The following CWC27 variants were observed in gnomAD, a reference collection of about 807,000 sequenced individuals.
CWC27 encodes the protein CWC27 spliceosome associated cyclophilin.
CWC27 carries 47 observed loss-of-function variants against 63.6 expected under a neutral mutation model. The ratio of observed to expected loss-of-function variants is 0.74; its 90% CI spans 0.58 to 0.94. The LOEUF is 0.94. CWC27 is among the 40% of genes least tolerant of loss of function. The pLI is 0.00. For synonymous variants in CWC27, 175 were observed against 179.8 expected, an observed-to-expected ratio of 0.97 and a Z score of 0.22; for missense variants, 495 against 554.3, an observed-to-expected ratio of 0.89 and a Z score of 1.07.
intron 11 of CWC27, among the ~76,000 whole-genome samples, chr5:64,963,402 G>C (rs1295171629): frequency 2.6e-5 from 4 of 152,136 alleles, no homozygotes. Context: ...CCAGTTTATG[G>C]CTTAAATATT....
chr5:64,904,897 C>T (rs1323488445), intron 11 of CWC27, among the ~76,000 whole-genome samples: 1 of 152,044 alleles, frequency 6.6e-6, no homozygotes, highest in Non-Finnish European at 1.5e-5. Context: ...TCTGTATGCC[C>T]TTTAAACTGC....
intron 2 of CWC27, among the ~76,000 whole-genome samples, chr5:64,775,288 CA>C (rs1743401507): frequency 6.6e-6 from 1 of 152,186 alleles, no homozygotes; most frequent in African/African-American, 2.4e-5. Context: ...ATTTCTTCCC[CA>C]GTCTGCCTTT....
intron 11 of CWC27, among the ~76,000 whole-genome samples, chr5:64,895,822 C>T (rs1024804268): frequency 6.6e-6 from 1 of 151,938 alleles, no homozygotes; most frequent in African/African-American, 2.4e-5. Flanking sequence ...AGCAATTTGC[C>T]ACAGCTAAAA....
intron 13 of CWC27, among the ~76,000 whole-genome samples, chr5:64,993,448 T>G (rs1314068013): frequency 6.6e-6 from 1 of 152,078 alleles, no homozygotes; most frequent in Non-Finnish European, 1.5e-5. Context: ...AAGGTTCTGT[T>G]TTATAAGCTG....
chr5:64,807,889 G>A, intron 10 of CWC27: 1 of 1,460,308 alleles, frequency 6.8e-7, no homozygotes, highest in Non-Finnish European at 9.0e-7. Context: ...TTTATTTCCT[G>A]TCCCTACCTC....
At chr5:64,995,032 A>G (rs1221493660) in intron 13 of CWC27, among the ~76,000 whole-genome samples, 4 of 144,724 alleles carry the variant, frequency 2.8e-5, no homozygotes, top group Non-Finnish European at 6.0e-5. Context: ...TTTTTGAGAC[A>G]GAGTCTCACT....
At chr5:64,962,609 T>C (rs1019163054) in intron 11 of CWC27, among the ~76,000 whole-genome samples, 20 of 152,320 alleles carry the variant, frequency 1.3e-4, no homozygotes, top group African/African-American at 4.1e-4. Context: ...GCCAAAACTC[T>C]AAACCTCTAC....
chr5:64,857,868 T>G (rs1746291533), intron 10 of CWC27, among the ~76,000 whole-genome samples: 1 of 152,186 alleles, frequency 6.6e-6, no homozygotes, highest in African/African-American at 2.4e-5. Flanking sequence ...CCGGGCGCGG[T>G]GGCTCACGCT....
chr5:64,845,297 G>A (rs1356084883), intron 10 of CWC27, among the ~76,000 whole-genome samples: 1 of 152,152 alleles, frequency 6.6e-6, no homozygotes. Context: ...CTCCTCAAAT[G>A]CATAGACAAT....
intron 10 of CWC27, among the ~76,000 whole-genome samples, chr5:64,877,670 A>G (rs1452576431): frequency 6.6e-6 from 1 of 152,030 alleles, no homozygotes; most frequent in Non-Finnish European, 1.5e-5. Context: ...CATGTAGCCC[A>G]TAAAAATGTA....
chr5:64,831,471 ATTT>A (rs1745515102), intron 10 of CWC27, among the ~76,000 whole-genome samples: 1 of 121,682 alleles, frequency 8.2e-6, no homozygotes, highest in Admixed American at 8.5e-5. Context: ...GCTTTTATTT[ATTT>A]GAGATAGATA....
At chr5:64,991,060 A>T (rs1749528378) in intron 13 of CWC27, among the ~76,000 whole-genome samples, 1 of 152,220 alleles carries the variant, frequency 6.6e-6, no homozygotes, top group African/African-American at 2.4e-5. Flanking sequence ...GTGAGATAAG[A>T]TATCATTGTA....
chr5:64,939,491 T>G (rs1321077571), intron 11 of CWC27, among the ~76,000 whole-genome samples: 1 of 152,202 alleles, frequency 6.6e-6, no homozygotes, highest in Non-Finnish European at 1.5e-5. Context: ...TTCTGGAAGC[T>G]TCATCCCAGA....
At chr5:64,927,876 C>T (rs775101860) in intron 11 of CWC27, among the ~76,000 whole-genome samples, 2 of 152,088 alleles carry the variant, frequency 1.3e-5, no homozygotes, top group African/African-American at 4.8e-5. Context: ...AGCAGTCAGC[C>T]GGGCACGGTG....
At chr5:64,820,012 T>A (rs1387225690) in intron 10 of CWC27, among the ~76,000 whole-genome samples, 1 of 152,242 alleles carries the variant, frequency 6.6e-6, no homozygotes, top group Non-Finnish European at 1.5e-5. Context: ...TGATAAATAG[T>A]GTTTATTCCA....
intron 10 of CWC27, among the ~76,000 whole-genome samples, chr5:64,819,540 A>G (rs754354321): frequency 4.6e-5 from 7 of 151,876 alleles, no homozygotes; most frequent in Non-Finnish European, 1.0e-4. Flanking sequence ...AAGTCACACT[A>G]GATCTGATGG....
intron 11 of CWC27, among the ~76,000 whole-genome samples, chr5:64,895,222 G>T (rs1203037736): frequency 1.3e-5 from 2 of 151,868 alleles, no homozygotes; most frequent in African/African-American, 4.8e-5. Context: ...CAATGTAACA[G>T]TCTCCTTATG....
At chr5:64,890,201 T>A (rs1392420186) in intron 11 of CWC27, among the ~76,000 whole-genome samples, 1 of 152,112 alleles carries the variant, frequency 6.6e-6, no homozygotes, top group Non-Finnish European at 1.5e-5. Flanking sequence ...AGCTTGTAAA[T>A]CAAGAAAAAA....
At position 64,806,962 on chromosome 5, in the gene CWC27, A is replaced by G. The variant is rs577084298; in HGVS notation, c.938+2576A>G. 8.5e-5 allele frequency among the ~76,000 whole-genome samples: 13 copies of G among 152,350 alleles called. No homozygotes were observed. The South Asian group carries it at 2.3e-3, about 27-fold the overall frequency. On this transcript the variant is annotated intron_variant, in intron 10 of 13. Coordinates refer to ENST00000381070, the MANE Select transcript of CWC27 (RefSeq NM_005869.4). ...AGGAAAGCTCCAAATGTACTGAAAA[A>G]CTACAACGTGGTAAAAGGGATAATT...
Sources: gnomAD v4.1 joint callset for allele counts (sites outside exome capture counted in the v4.1 genomes callset) on GRCh38, gnomAD v4.1.1 for gene constraint, MANE v1.5 for transcripts, NCBI Gene and HGNC (gene_info 2026-07-23, HGNC 2026-07-21) for gene names.